FGF2: variants seen among roughly 807,000 people sequenced by gnomAD.
FGF2 encodes the protein fibroblast growth factor 2.
In FGF2, 13 loss-of-function variants were observed where a neutral mutation model predicts 15.9. That is an observed-to-expected ratio of 0.82 (90% confidence interval 0.53 to 1.30). The LOEUF (loss-of-function observed/expected upper bound fraction) is 1.30. Ranked by LOEUF, FGF2 falls within the 50% of genes most tolerant of loss-of-function variation. FGF2 has a pLI of 0.00. For synonymous variants in FGF2, 90 were observed against 78.4 expected (o/e 1.15, Z -0.78); for missense variants, 163 against 196.9 (o/e 0.83, Z 1.03).
intron 1 of FGF2, among the ~76,000 whole-genome samples, chr4:122,852,465 T>C (rs1319376370): frequency 6.6e-6 from 1 of 152,172 alleles, no homozygotes; most frequent in African/African-American, 2.4e-5. Context: ...CAATGTCACA[T>C]CAGTCAACAT....
chr4:122,850,232 A>C (rs544654501), intron 1 of FGF2, among the ~76,000 whole-genome samples: 10 of 152,014 alleles, frequency 6.6e-5, no homozygotes, highest in Non-Finnish European at 1.5e-4. Context: ...ACTGCACTCC[A>C]TCCTGGGCAA....
chr4:122,860,150 G>T (rs1451469603), intron 1 of FGF2, among the ~76,000 whole-genome samples: 2 of 152,030 alleles, frequency 1.3e-5, no homozygotes, highest in African/African-American at 4.8e-5. Context: ...TTTTAAAAAT[G>T]ATTTTCAATA....
chr4:122,854,278 G>A (rs17006215), intron 1 of FGF2, among the ~76,000 whole-genome samples: 26,743 of 152,154 alleles, frequency 0.18, 3,566 homozygotes, highest in African/African-American at 0.37. Flanking sequence ...ATACTCTTTT[G>A]ATGGCTGTGC....
rs569987423 is a variant in FGF2, at chr4:122,859,536, C to T, written c.179-16785C>T. On this transcript the variant is annotated intron_variant, in intron 1 of 2. Coordinates refer to ENST00000644866, the MANE Select transcript of FGF2 (RefSeq NM_001361665.2). The stretch of plus-strand genomic sequence containing the variant: ...AGATATTCTCATCTTTGATAAAATA[C>T]AAGGATTCCTAAAAACATAATTTCC... Among the ~76,000 whole-genome samples the T allele has an allele frequency of 3.3e-5, 5 of 152,164 alleles. No individual in the cohort carries two copies. The East Asian group carries it at 5.8e-4, about 18-fold the overall frequency.
chr4:122,892,565 T>A lies in FGF2; in HGVS notation c.*169T>A, dbSNP rs1178247153. 6.9e-7 allele frequency: 1 copy of A among 1,453,808 alleles called. No homozygotes were observed. The highest frequency in any genetic ancestry group is 2.8e-5 in the Admixed American group (1 of 36,190). The allele number at this position is 1,453,808 out of a possible 1,614,324, so 90.1% of individuals were successfully genotyped here. On this transcript the variant is annotated 3_prime_UTR_variant, in exon 3 of 3. Transcript: ENST00000644866. ...TAACCATTGTCCCAGTAAAGAAAAA[T>A]AACAAAAGTTGTAAAATGTATATTC...
intron 1 of FGF2, 93 bp from the exon 2 acceptor site, chr4:122,876,227 GC>G (rs777773680): frequency 1.6e-4 from 130 of 793,006 alleles, no homozygotes; most frequent in Non-Finnish European, 2.8e-4. Flanking sequence ...ATTAGTTGTT[GC>G]TTAGGTGTGT....
At chr4:122,864,794 C>G (rs867656979) in intron 1 of FGF2, among the ~76,000 whole-genome samples, 2 of 152,104 alleles carry the variant, frequency 1.3e-5, no homozygotes, top group Non-Finnish European at 2.9e-5. Flanking sequence ...GAAATTCTCT[C>G]TCCCTCCTTG....
chr4:122,887,780 C>T (rs1727088484), intron 2 of FGF2, among the ~76,000 whole-genome samples: 2 of 152,212 alleles, frequency 1.3e-5, no homozygotes, highest in South Asian at 2.1e-4. Flanking sequence ...TGAGGTGTTG[C>T]CCCATCACTA....
chr4:122,879,119 A>G (rs1726912853), intron 2 of FGF2, among the ~76,000 whole-genome samples: 1 of 152,198 alleles, frequency 6.6e-6, no homozygotes, highest in Non-Finnish European at 1.5e-5. Context: ...ACAGCTCAAA[A>G]CATTAACTAC....
chr4:122,826,904 C>G lies in FGF2; in HGVS notation c.-271C>G. On this transcript the variant is annotated 5_prime_UTR_variant, in exon 1 of 3. Coordinates refer to ENST00000644866, the MANE Select transcript of FGF2 (RefSeq NM_001361665.2). The stretch of plus-strand genomic sequence containing the variant: ...CTGCAGCTTGGGAGGCGGCTCTCCC[C>G]AGGCGGCGTCCGCGGAGACACCCAT... The G allele has an allele frequency of 6.6e-7, 1 of 1,505,896 alleles. No homozygotes were observed. The highest frequency in any genetic ancestry group is 8.9e-7 in the Non-Finnish European group (1 of 1,129,266). The allele number at this position is 1,505,896 out of a possible 1,614,324, so 93.3% of individuals were successfully genotyped here. A position where few individuals can be genotyped will look rare whatever the true frequency, so the allele number is the denominator to read the frequency against.
intron 1 of FGF2, among the ~76,000 whole-genome samples, chr4:122,852,539 A>G (rs1726256502): frequency 1.3e-5 from 2 of 152,218 alleles, no homozygotes; most frequent in Non-Finnish European, 2.9e-5. Flanking sequence ...GGTGTGGTAC[A>G]TTGGAGCCAC....
chr4:122,843,118 C>G (rs555807925), intron 1 of FGF2, among the ~76,000 whole-genome samples: 3 of 152,234 alleles, frequency 2.0e-5, no homozygotes, highest in African/African-American at 7.2e-5. Context: ...AATGTTTTGC[C>G]TGCTTTGCTT....
chr4:122,842,146 G>T (rs1018123661), intron 1 of FGF2, among the ~76,000 whole-genome samples: 1 of 152,188 alleles, frequency 6.6e-6, no homozygotes, highest in Non-Finnish European at 1.5e-5. Flanking sequence ...TGCTCTCTAG[G>T]TTAGGTAGGA....
intron 1 of FGF2, among the ~76,000 whole-genome samples, chr4:122,874,178 T>C (rs554742883): frequency 6.6e-6 from 1 of 152,378 alleles, no homozygotes; most frequent in South Asian, 2.1e-4. Flanking sequence ...CATTCTTCAT[T>C]AAAATGGCTT....
intron 1 of FGF2, among the ~76,000 whole-genome samples, chr4:122,861,065 C>T (rs1027359305): frequency 1.3e-5 from 2 of 152,182 alleles, no homozygotes; most frequent in South Asian, 4.1e-4. Flanking sequence ...CATCCAGGCT[C>T]TTCTTGCTCT....
intron 1 of FGF2, among the ~76,000 whole-genome samples, chr4:122,854,300 A>G (rs1223697399): frequency 6.6e-6 from 1 of 152,220 alleles, no homozygotes; most frequent in African/African-American, 2.4e-5. Context: ...TTTCCTTTCC[A>G]AAAACACAAT....
intron 1 of FGF2, among the ~76,000 whole-genome samples, chr4:122,844,216 C>A (rs531610969): frequency 6.6e-6 from 1 of 152,336 alleles, no homozygotes; most frequent in South Asian, 2.1e-4. Flanking sequence ...TAGATTCTAT[C>A]TCAAGAAATC....
chr4:122,849,709 A>ATTTCT (rs1726189015), intron 1 of FGF2, among the ~76,000 whole-genome samples: 1 of 152,178 alleles, frequency 6.6e-6, no homozygotes, highest in African/African-American at 2.4e-5. Context: ...CATGTCTGTG[A>ATTTCT]TATTCAGTAA....
At chr4:122,884,553 T>C (rs1727020839) in intron 2 of FGF2, 2 of 152,210 alleles carry the variant, frequency 1.3e-5, no homozygotes, top group African/African-American at 4.8e-5. Context: ...TTTGGATGTT[T>C]CTTTTTTTTC....
Sources: gnomAD v4.1 joint callset for allele counts (sites outside exome capture counted in the v4.1 genomes callset) on GRCh38, gnomAD v4.1.1 for gene constraint, MANE v1.5 for transcripts, NCBI Gene and HGNC (gene_info 2026-07-23, HGNC 2026-07-21) for gene names.